NRXN1: variants seen among roughly 807,000 people sequenced by gnomAD.
NRXN1 encodes neurexin 1.
Under a neutral mutation model 150.9 loss-of-function variants are expected in NRXN1, and 39 were observed. The ratio of observed to expected loss-of-function variants is 0.26; its 90% CI spans 0.20 to 0.34. The LOEUF is 0.34. Ranked by LOEUF, NRXN1 falls within the 10% of genes least tolerant of loss-of-function variation. NRXN1 has a pLI of 1.00. For synonymous variants in NRXN1, 924 were observed against 757.0 expected, an observed-to-expected ratio of 1.22 and a Z score of -3.62; for missense variants, 1,815 against 1,949.9, an observed-to-expected ratio of 0.93 and a Z score of 1.30.
chr2:50,262,363 T>C (rs2068379288), intron 17 of NRXN1, among the ~76,000 whole-genome samples: 1 of 151,990 alleles, frequency 6.6e-6, no homozygotes, highest in Admixed American at 6.6e-5. Context: ...TTCTAGCAAC[T>C]CCACCCAAAA....
chr2:50,749,214 A>T (rs1291497203), intron 5 of NRXN1, among the ~76,000 whole-genome samples: 1 of 152,134 alleles, frequency 6.6e-6, no homozygotes. Context: ...TATCTGAAAC[A>T]ACTACTGCTA....
intron 18 of NRXN1, among the ~76,000 whole-genome samples, chr2:50,151,401 TA>T (rs1444619781): frequency 6.6e-6 from 1 of 151,702 alleles, no homozygotes; most frequent in Non-Finnish European, 1.5e-5. Flanking sequence ...GACAGAAGTT[TA>T]AAATAGGATA....
At chr2:50,492,599 G>C (rs1269778882) in intron 15 of NRXN1, among the ~76,000 whole-genome samples, 1 of 152,198 alleles carries the variant, frequency 6.6e-6, no homozygotes, top group East Asian at 1.9e-4. Flanking sequence ...CCTTGCAAAC[G>C]GAGCAGGTTG....
intron 8 of NRXN1, among the ~76,000 whole-genome samples, chr2:50,587,198 G>A (rs1207493439): frequency 1.3e-5 from 2 of 152,310 alleles, no homozygotes; most frequent in East Asian, 1.9e-4. Flanking sequence ...AAGAATCCCT[G>A]TTTTGGCCAG....
intron 2 of NRXN1, among the ~76,000 whole-genome samples, chr2:50,971,871 A>C (rs1291852206): frequency 3.3e-5 from 5 of 152,112 alleles, no homozygotes; most frequent in Admixed American, 3.3e-4. Flanking sequence ...ATTTACCTTT[A>C]AATAGCAGTG....
intron 21 of NRXN1, among the ~76,000 whole-genome samples, chr2:50,015,269 G>A (rs1388258023): frequency 1.3e-5 from 2 of 151,964 alleles, no homozygotes; most frequent in East Asian, 1.9e-4. Flanking sequence ...TATGATTAGA[G>A]CTGTTCCATG....
At chr2:50,507,105 A>G (rs1202638979) in intron 12 of NRXN1, among the ~76,000 whole-genome samples, 1 of 152,286 alleles carries the variant, frequency 6.6e-6, no homozygotes, top group East Asian at 1.9e-4. Flanking sequence ...TTTCAGTGAG[A>G]TAAGTCTCCC....
intron 8 of NRXN1, among the ~76,000 whole-genome samples, chr2:50,601,163 A>C (rs984920564): frequency 6.6e-6 from 1 of 152,190 alleles, no homozygotes; most frequent in African/African-American, 2.4e-5. Context: ...TATTTCCCTA[A>C]ACAGTATGAT....
At chr2:49,995,884 G>C (rs113449290) in intron 21 of NRXN1, among the ~76,000 whole-genome samples, 3 of 32,124 alleles carry the variant, frequency 9.3e-5, no homozygotes, top group African/African-American at 2.9e-4. Flanking sequence ...AAAAAAAAAA[G>C]AAAAAAGGAT....
intron 11 of NRXN1, among the ~76,000 whole-genome samples, chr2:50,529,414 T>C (rs2093039986): frequency 6.6e-6 from 1 of 152,200 alleles, no homozygotes; most frequent in Admixed American, 6.6e-5. Flanking sequence ...CTTTCTTATA[T>C]TTGCTTTATA....
chr2:50,390,881 A>G (rs1355504786), intron 17 of NRXN1, among the ~76,000 whole-genome samples: 1 of 152,108 alleles, frequency 6.6e-6, no homozygotes, highest in African/African-American at 2.4e-5. Flanking sequence ...TATAAATTAT[A>G]CAATCTGTGG....
intron 17 of NRXN1, among the ~76,000 whole-genome samples, chr2:50,287,453 T>G (rs916932105): frequency 1.3e-5 from 2 of 152,154 alleles, no homozygotes; most frequent in Non-Finnish European, 2.9e-5. Context: ...TTAATGCTTT[T>G]GTTTTTTAGA....
intron 17 of NRXN1, among the ~76,000 whole-genome samples, chr2:50,430,579 TTAA>T (rs1368358039): frequency 1.3e-5 from 2 of 152,212 alleles, no homozygotes; most frequent in African/African-American, 4.8e-5. Context: ...GCTACATTAT[TTAA>T]TAACAAGCAC....
Position 51,026,402 on chromosome 2 carries a change from A to G in NRXN1, c.772+1100T>C, listed in dbSNP as rs1473401406. 2 of 1,601,372 alleles carry G rather than the reference A, an allele frequency of 1.2e-6. No homozygotes were observed. Among genetic ancestry groups the G allele is most frequent in the South Asian group, 1.1e-5 (1 of 88,900 alleles). ...TTAGAGGCTTTGCTGTATTTATACAACAGTATTTTCCTTGGTCATTGTCAT... is the reference window on the plus strand; with the variant it reads ...TTAGAGGCTTTGCTGTATTTATACAGCAGTATTTTCCTTGGTCATTGTCAT... On this transcript the variant is annotated intron_variant, in intron 2 of 22. Transcript: ENST00000401669.
intron 21 of NRXN1, among the ~76,000 whole-genome samples, chr2:49,989,308 A>G (rs979324919): frequency 6.6e-6 from 1 of 152,190 alleles, no homozygotes; most frequent in African/African-American, 2.4e-5. Flanking sequence ...CAAAAATATC[A>G]AAGAAGTCAT....
At chr2:49,964,781 CAGTGA>C (rs1219426195) in intron 21 of NRXN1, among the ~76,000 whole-genome samples, 10 of 152,082 alleles carry the variant, frequency 6.6e-5, no homozygotes, top group East Asian at 3.9e-4. Context: ...GTGGAGGTTG[CAGTGA>C]ACCAAGATTG....
At chr2:50,552,489 A>T in intron 9 of NRXN1, 98 bp downstream of exon 9, 1 of 848,760 alleles carries the variant, frequency 1.2e-6, no homozygotes, top group Non-Finnish European at 1.9e-6. Flanking sequence ...AAACAAATGC[A>T]GGAAGTCTTT....
chr2:51,007,658 C>T (rs1575202202), intron 2 of NRXN1, among the ~76,000 whole-genome samples: 1 of 151,954 alleles, frequency 6.6e-6, no homozygotes, highest in Non-Finnish European at 1.5e-5. Flanking sequence ...GTTAAATACA[C>T]ATTTTTATGG....
intron 18 of NRXN1, among the ~76,000 whole-genome samples, chr2:50,150,780 G>T (rs1425883309): frequency 6.6e-6 from 1 of 151,598 alleles, no homozygotes; most frequent in Non-Finnish European, 1.5e-5. Context: ...GAGCCCATAG[G>T]GATTGCTATG....
Sources: gnomAD v4.1 joint callset for allele counts (sites outside exome capture counted in the v4.1 genomes callset) on GRCh38, gnomAD v4.1.1 for gene constraint, MANE v1.5 for transcripts, NCBI Gene and HGNC (gene_info 2026-07-23, HGNC 2026-07-21) for gene names.